H2AZ2: variants seen among roughly 807,000 people sequenced by gnomAD.
H2AZ2 encodes the protein H2A.Z variant histone 2, also known as histone H2A.V.
Under a neutral mutation model 15.5 loss-of-function variants are expected in H2AZ2, and 5 were observed. The ratio of observed to expected loss-of-function variants is 0.32; its 90% CI spans 0.17 to 0.68. The LOEUF (loss-of-function observed/expected upper bound fraction) is 0.68. Among genes scored for constraint, H2AZ2 ranks in the 30% least tolerant of loss-of-function variants. The pLI, the probability that H2AZ2 is intolerant of heterozygous loss-of-function variation, is 0.72. For synonymous variants in H2AZ2, 44 were observed against 57.4 expected (o/e 0.77, Z 1.05); for missense variants, 42 against 162.5 (o/e 0.26, Z 4.03).
intron 1 of H2AZ2, among the ~76,000 whole-genome samples, 196 bp downstream of exon 1, chr7:44,847,773 C>G (rs1343894711): frequency 6.6e-6 from 1 of 152,192 alleles, no homozygotes. Flanking sequence ...CCCGGCCAGG[C>G]CCAGCTCTCA....
rs75053187 is a variant in H2AZ2 at position 44,847,253 on chromosome 7, T to A, written c.3+716A>T. ...CTCAACTTTAAAATGGGGCTGAAGT[T>A]CTATTCACTTTCATTTTTTTAAAGC... is the stretch of plus-strand genomic sequence containing the variant. On this transcript the variant is annotated intron_variant, in intron 1 of 4. Coordinates refer to ENST00000308153, the MANE Select transcript of H2AZ2 (RefSeq NM_012412.5). Among the ~76,000 whole-genome samples the A allele has an allele frequency of 3.4e-3, 511 of 152,302 alleles. 4 individuals carry two copies. The highest frequency in any genetic ancestry group is 0.012 in the African/African-American group (499 of 41,574).
chr7:44,848,013 C>CCCGCTGCCGACCCGCG lies in H2AZ2; in HGVS notation c.-58_-43dup. ...CCGCCTCCGCTCGGCCGCGCGCCCT[C>CCCGCTGCCGACCCGCG]CCGCTGCCGACCCGCGCCGCCGCCG... is the stretch of plus-strand genomic sequence containing the variant. On this transcript the variant is annotated 5_prime_UTR_variant, in exon 1 of 5. Coordinates refer to ENST00000308153, the MANE Select transcript of H2AZ2 (RefSeq NM_012412.5). 1 of 1,278,164 alleles carries CCCGCTGCCGACCCGCG rather than the reference C, an allele frequency of 7.8e-7. No individual in the cohort carries two copies. Among genetic ancestry groups the CCCGCTGCCGACCCGCG allele is most frequent in the Non-Finnish European group, 9.9e-7 (1 of 1,008,160 alleles). 79.2% of individuals were successfully genotyped at this position (1,278,164 alleles called of 1,614,324 possible). A position where few individuals can be genotyped will look rare whatever the true frequency, so the allele number is the denominator to read the frequency against.
At chr7:44,828,540 A>C (rs908906845), downstream of H2AZ2, 5 of 152,246 alleles carry the variant, frequency 3.3e-5, no homozygotes, top group Non-Finnish European at 7.3e-5. Flanking sequence ...TAAAGCAGTG[A>C]AGTCACACAG....
intron 4 of H2AZ2, 84 bp downstream of exon 4, chr7:44,835,445 G>T: frequency 8.9e-7 from 1 of 1,126,552 alleles, no homozygotes; most frequent in Non-Finnish European, 1.2e-6. Flanking sequence ...CTAGTTAACC[G>T]ATCAAATATA....
Position 44,833,762 on chromosome 7 carries a change from C to A in H2AZ2, c.*739G>T. ...ATCTAGGTTTGAATCCTAGCTCTGTCATTTTCTATCTACCAGTTCAATGTT... is the reference window on the plus strand; with the variant it reads ...ATCTAGGTTTGAATCCTAGCTCTGTAATTTTCTATCTACCAGTTCAATGTT... On this transcript the variant is annotated 3_prime_UTR_variant, in exon 5 of 5. Transcript: ENST00000308153. 1 of 870,242 alleles carries A rather than the reference C, an allele frequency of 1.1e-6. No homozygotes were observed. Among genetic ancestry groups the A allele is most frequent in the Non-Finnish European group, 1.4e-6 (1 of 725,092 alleles). 53.9% of individuals were successfully genotyped at this position (870,242 alleles called of 1,614,324 possible).
intron 3 of H2AZ2, among the ~76,000 whole-genome samples, chr7:44,838,224 C>T (rs1399390131): frequency 6.6e-6 from 1 of 151,860 alleles, no homozygotes; most frequent in Non-Finnish European, 1.5e-5. Context: ...CTGCCCACCT[C>T]AGCCTCCCAA....
chr7:44,837,426 A>G (rs992105762), intron 3 of H2AZ2, among the ~76,000 whole-genome samples: 1 of 118,008 alleles, frequency 8.5e-6, no homozygotes, highest in Admixed American at 9.9e-5. Flanking sequence ...CTCAAAAAAA[A>G]AAAAAAGAAA....
intron 3 of H2AZ2, among the ~76,000 whole-genome samples, chr7:44,839,718 T>G (rs1328644598): frequency 6.7e-6 from 1 of 148,824 alleles, no homozygotes; most frequent in African/African-American, 2.5e-5. Flanking sequence ...AATAAAAAAT[T>G]AGCACCCAGC....
In H2AZ2 at chr7:44,833,382, G is replaced by A. The variant is rs1179898022; in HGVS notation, c.*1119C>T. ...TGAGTAGCTGGGACTACAGGCGCGT[G>A]CCACCACACCCGGCTAATTTTTTGT... On this transcript the variant is annotated 3_prime_UTR_variant, in exon 5 of 5. Coordinates refer to ENST00000308153, the MANE Select transcript of H2AZ2 (RefSeq NM_012412.5). Among the ~76,000 whole-genome samples the A allele has an allele frequency of 3.3e-5, 5 of 152,078 alleles. No homozygotes were observed. Among genetic ancestry groups the A allele is most frequent in the African/African-American group, 9.7e-5 (4 of 41,380 alleles).
chr7:44,834,341 C>T lies in H2AZ2; in HGVS notation c.*160G>A, dbSNP rs532301426. 7.4e-5 allele frequency: 98 copies of T among 1,330,546 alleles called. No individual in the cohort carries two copies. In the Middle Eastern group the frequency reaches 1.5e-3, roughly 20 times the overall value. The allele number at this position is 1,330,546 out of a possible 1,614,324, so 82.4% of individuals were successfully genotyped here. On this transcript the variant is annotated 3_prime_UTR_variant, in exon 5 of 5. Transcript: ENST00000308153. The stretch of plus-strand genomic sequence containing the variant: ...ATGAAAAGGTACTTTTATCAAACTT[C>T]GAGTCTAAGAACATACAAATGTTTC...
intron 3 of H2AZ2, among the ~76,000 whole-genome samples, chr7:44,836,309 C>T (rs980312679): frequency 6.6e-6 from 1 of 151,890 alleles, no homozygotes; most frequent in South Asian, 2.1e-4. Flanking sequence ...TTTGTACAAC[C>T]CTTAATAGCT....
At chr7:44,839,997 G>A (rs1793233919) in intron 3 of H2AZ2, among the ~76,000 whole-genome samples, 1 of 139,088 alleles carries the variant, frequency 7.2e-6, no homozygotes, top group South Asian at 2.2e-4. Flanking sequence ...GCAAGACCCT[G>A]TCTCAAAATA....
chr7:44,833,526 C>A lies in H2AZ2; in HGVS notation c.*975G>T, dbSNP rs12155039. 0.37 allele frequency: 76,664 copies of A among 207,928 alleles called. 15,441 individuals are homozygous for A. Among genetic ancestry groups the A allele is most frequent in the Middle Eastern group, 0.45 (186 of 414 alleles). The allele number at this position is 207,928 out of a possible 1,614,324, so 12.9% of individuals were successfully genotyped here. A position where few individuals can be genotyped will look rare whatever the true frequency, so the allele number is the denominator to read the frequency against. On this transcript the variant is annotated 3_prime_UTR_variant, in exon 5 of 5. Coordinates refer to ENST00000308153, the MANE Select transcript of H2AZ2 (RefSeq NM_012412.5). ...CTGGGATTACAGGCGTGAGCCACCGCGCCTGGCCGAGACGGCGTTTTACCA... is the reference window on the plus strand; with the variant it reads ...CTGGGATTACAGGCGTGAGCCACCGAGCCTGGCCGAGACGGCGTTTTACCA...
At chr7:44,827,670 G>A (rs1246340157), downstream of H2AZ2, 1 of 152,124 alleles carries the variant, frequency 6.6e-6, no homozygotes, top group Non-Finnish European at 1.5e-5. Flanking sequence ...ACAAATTCTG[G>A]TAAAAATTTG....
In H2AZ2 at chr7:44,833,786, T is replaced by C. The variant is rs1192453116; in HGVS notation, c.*715A>G. ...TCATTTTCTATCTACCAGTTCAATG[T>C]TTTTTGGCATAGCACACAATTTCTG... On this transcript the variant is annotated 3_prime_UTR_variant, in exon 5 of 5. Coordinates refer to ENST00000308153, the MANE Select transcript of H2AZ2 (RefSeq NM_012412.5). The C allele has an allele frequency of 9.8e-6, 7 of 714,800 alleles. No homozygotes were observed. Among genetic ancestry groups the C allele is most frequent in the Non-Finnish European group, 1.2e-5 (7 of 582,744 alleles). The allele number at this position is 714,800 out of a possible 1,614,324, so 44.3% of individuals were successfully genotyped here.
intron 3 of H2AZ2, among the ~76,000 whole-genome samples, chr7:44,839,000 G>T (rs1341046538): frequency 6.6e-6 from 1 of 152,114 alleles, no homozygotes; most frequent in Admixed American, 6.6e-5. Flanking sequence ...GGAGGAATAG[G>T]GATGGGGAAA....
At chr7:44,847,477 A>G (rs714543) in intron 1 of H2AZ2, among the ~76,000 whole-genome samples, 52,564 of 152,030 alleles carry the variant, frequency 0.35, 10,181 homozygotes, top group Middle Eastern at 0.45. Flanking sequence ...CTATAAAACC[A>G]TTCTTTGTCG....
At chr7:44,846,024 T>TACACACACAC (rs10573522) in intron 1 of H2AZ2, among the ~76,000 whole-genome samples, 8,153 of 132,176 alleles carry the variant, frequency 0.062, 348 homozygotes, top group Non-Finnish European at 0.092. Context: ...TTTAAAAAAT[T>TACACACACAC]ACACACACAC....
At chr7:44,840,875 T>C (rs768882229) in intron 3 of H2AZ2, 24 bp downstream of exon 3, 2 of 1,546,304 alleles carry the variant, frequency 1.3e-6, no homozygotes, top group Admixed American at 1.7e-5. Flanking sequence ...GATGGCCATA[T>C]ACAACAGACA....
Sources: allele counts gnomAD v4.1 joint callset (sites outside exome capture counted in the v4.1 genomes callset), GRCh38; gene constraint gnomAD v4.1.1; transcripts MANE v1.5; gene names NCBI Gene and HGNC (gene_info 2026-07-23, HGNC 2026-07-21).